Variants in SLC24A4 observed in about 807,000 individuals in gnomAD.
SLC24A4 encodes sodium/potassium/calcium exchanger 4.
In SLC24A4, 53 loss-of-function variants were observed where a neutral mutation model predicts 79.0. That is an observed-to-expected ratio of 0.67 (90% CI 0.54 to 0.84). The LOEUF (loss-of-function observed/expected upper bound fraction) is 0.84, where lower values mean the gene tolerates loss of function less well. Ranked by LOEUF, SLC24A4 falls within the 40% of genes least tolerant of loss-of-function variation. SLC24A4 has a pLI of 0.00. For synonymous variants in SLC24A4, 323 were observed against 323.8 expected, an observed-to-expected ratio of 1.00 and a Z score of 0.03; for missense variants, 731 against 822.0, an observed-to-expected ratio of 0.89 and a Z score of 1.35.
chr14:92,331,858 AT>A (rs1885498344), intron 2 of SLC24A4, among the ~76,000 whole-genome samples: 1 of 152,178 alleles, frequency 6.6e-6, no homozygotes, highest in Admixed American at 6.5e-5. Context: ...CCATTAGATG[AT>A]CTGCTTCCAC....
intron 10 of SLC24A4, chr14:92,451,643 G>A (rs1893145662): frequency 6.6e-6 from 1 of 152,246 alleles, no homozygotes; most frequent in Admixed American, 6.5e-5. Flanking sequence ...TTATCTTCCA[G>A]CTTCTTGACA....
chr14:92,469,129 T>A lies in SLC24A4; in HGVS notation c.1255+12521T>A, dbSNP rs191301413. On this transcript the variant is annotated intron_variant, in intron 12 of 16. Transcript: ENST00000532405. ...GCCATTTCACACCCACTAGAATGGG[T>A]ATAATCCAGAAAAGGTAGACAATAA... Among the ~76,000 whole-genome samples, 172 of 152,110 alleles carry A rather than the reference T, an allele frequency of 1.1e-3. 2 individuals are homozygous for A. The highest frequency in any genetic ancestry group is 2.2e-3 in the Non-Finnish European group (148 of 68,008).
At chr14:92,489,602 C>T (rs561948759) in intron 14 of SLC24A4, among the ~76,000 whole-genome samples, 3 of 152,148 alleles carry the variant, frequency 2.0e-5, no homozygotes, top group South Asian at 4.1e-4. Context: ...ATCGGCTTGA[C>T]CTGGGAGCTG....
At chr14:92,423,529 A>T (rs1432086010) in intron 2 of SLC24A4, among the ~76,000 whole-genome samples, 2 of 152,226 alleles carry the variant, frequency 1.3e-5, no homozygotes, top group Admixed American at 1.3e-4. Flanking sequence ...ACAAATTTTC[A>T]CCACAGCACT....
At chr14:92,449,283 C>CTTGTGT in intron 10 of SLC24A4, 67 bp downstream of exon 10, 1 of 20,660 alleles carries the variant, frequency 4.8e-5, no homozygotes, top group Admixed American at 1.1e-3. Flanking sequence ...CTTTTGTGTA[C>CTTGTGT]ACACACACAC....
chr14:92,354,560 G>GT (rs1317948769), intron 2 of SLC24A4, among the ~76,000 whole-genome samples: 12 of 152,212 alleles, frequency 7.9e-5, no homozygotes, highest in African/African-American at 2.9e-4. Context: ...AGTAGGCAAA[G>GT]TATCTGATGT....
chr14:92,381,397 C>T (rs913752066), intron 2 of SLC24A4, among the ~76,000 whole-genome samples: 2 of 151,980 alleles, frequency 1.3e-5, no homozygotes, highest in African/African-American at 2.4e-5. Flanking sequence ...CACATGGACA[C>T]GGGGAGGGGA....
At chr14:92,486,270 A>C (rs1369935641) in intron 13 of SLC24A4, among the ~76,000 whole-genome samples, 1 of 152,178 alleles carries the variant, frequency 6.6e-6, no homozygotes, top group East Asian at 1.9e-4. Context: ...GACTTCTGTA[A>C]AGTCACACAG....
intron 12 of SLC24A4, among the ~76,000 whole-genome samples, chr14:92,470,070 T>A (rs1030062854): frequency 5.9e-5 from 9 of 152,224 alleles, no homozygotes; most frequent in Non-Finnish European, 1.3e-4. Flanking sequence ...GTTAATTATA[T>A]CTCAATTGCT....
At chr14:92,443,326 G>A in intron 6 of SLC24A4, 74 bp from the exon 7 acceptor site, 2 of 1,424,146 alleles carry the variant, frequency 1.4e-6, no homozygotes, top group East Asian at 2.3e-5. Context: ...ACTGCGGGGG[G>A]AGGAGGCCTG....
chr14:92,470,316 T>C (rs1894366829), intron 12 of SLC24A4, among the ~76,000 whole-genome samples: 1 of 152,238 alleles, frequency 6.6e-6, no homozygotes, highest in Non-Finnish European at 1.5e-5. Flanking sequence ...ATAAGTGCTC[T>C]GAGCTCCCAG....
chr14:92,392,012 G>A (rs910479239), intron 2 of SLC24A4, among the ~76,000 whole-genome samples: 2 of 152,106 alleles, frequency 1.3e-5, no homozygotes, highest in African/African-American at 4.8e-5. Flanking sequence ...CACTTCCCTT[G>A]GAGCCACCAG....
In SLC24A4 at chr14:92,491,680, C is replaced by T; in HGVS notation, c.1553C>T (p.Ala518Val). 2 of 1,613,202 alleles carry T rather than the reference C, an allele frequency of 1.2e-6. No individual in the cohort carries two copies. The highest frequency in any genetic ancestry group is 1.7e-5 in the Admixed American group (1 of 60,012). The change falls in exon 15 of 17, where the codon GCA (alanine) becomes GTA (valine). Residue 518 changes from alanine to valine, a missense_variant. Transcript: ENST00000532405. ...TCCCCTGCAGGCCTTGGGGACATGG[C>T]AGTCTCCAACACCATAGGAAGCAAC... ...IVARQGLGDM[A>V]VSNTIGSNVF...
At chr14:92,364,074 C>T (rs967775545) in intron 2 of SLC24A4, among the ~76,000 whole-genome samples, 2 of 152,164 alleles carry the variant, frequency 1.3e-5, no homozygotes, top group Admixed American at 6.5e-5. Context: ...ATGGCAGCTC[C>T]CCACCAGAAG....
chr14:92,402,046 A>G (rs540426084), intron 2 of SLC24A4, among the ~76,000 whole-genome samples: 1 of 152,308 alleles, frequency 6.6e-6, no homozygotes, highest in African/African-American at 2.4e-5. Flanking sequence ...GTGATGGAAT[A>G]TATTAGTTTG....
chr14:92,449,825 G>T (rs1255196851), intron 10 of SLC24A4, among the ~76,000 whole-genome samples: 1 of 152,254 alleles, frequency 6.6e-6, no homozygotes, highest in East Asian at 1.9e-4. Context: ...CTCCCCAGCG[G>T]CTCTTTGGCC....
chr14:92,459,073 T>G (rs924108874), intron 12 of SLC24A4, among the ~76,000 whole-genome samples: 2 of 152,180 alleles, frequency 1.3e-5, no homozygotes, highest in African/African-American at 4.8e-5. Context: ...ACTGGCCACT[T>G]CACCTGAATC....
rs190022763 is a variant in SLC24A4 at position 92,365,542 on chromosome 14, G to T, written c.241+39564G>T. ...AGACCAGGAGGAGCCCCGGGTGCTG[G>T]TCTGTGCCGCCTTCCCTCAGACCCT... On this transcript the variant is annotated intron_variant, in intron 2 of 16. Transcript: ENST00000532405. Among the ~76,000 whole-genome samples the T allele has an allele frequency of 1.1e-4, 17 of 152,344 alleles. No homozygotes were observed. The East Asian group carries it at 3.3e-3, about 29-fold the overall frequency.
intron 2 of SLC24A4, among the ~76,000 whole-genome samples, chr14:92,414,955 G>A (rs1436602348): frequency 3.3e-5 from 5 of 152,198 alleles, no homozygotes; most frequent in Admixed American, 2.0e-4. Context: ...GAATTGTGTC[G>A]CTGTGAGGCC....
Sources: gnomAD v4.1 joint callset for allele counts (sites outside exome capture counted in the v4.1 genomes callset) on GRCh38, gnomAD v4.1.1 for gene constraint, MANE v1.5 for transcripts, NCBI Gene and HGNC (gene_info 2026-07-23, HGNC 2026-07-21) for gene names.